The following MYO9B variants were observed in gnomAD, a reference collection of about 807,000 sequenced individuals.
MYO9B encodes myosin IXB.
In MYO9B, 71 loss-of-function variants were observed where a neutral mutation model predicts 229.5. The observed-to-expected ratio is 0.31, with a 90% CI of 0.26 to 0.38. The LOEUF (loss-of-function observed/expected upper bound fraction) is 0.38. Among genes scored for constraint, MYO9B ranks in the 10% least tolerant of loss-of-function variants. MYO9B has a pLI of 1.00. For missense variants in MYO9B, 2,255 were observed against 2,920.5 expected (o/e 0.77, Z 5.25); for synonymous variants, 1,185 against 1,235.8 (o/e 0.96, Z 0.86).
At chr19:17,187,098 C>G (rs2072927016) in intron 18 of MYO9B, among the ~76,000 whole-genome samples, 1 of 152,172 alleles carries the variant, frequency 6.6e-6, no homozygotes, top group South Asian at 2.1e-4. Context: ...GACCCCTAAG[C>G]TCCAGGCTTA....
chr19:17,096,701 T>G lies in MYO9B; in HGVS notation c.-58-4959T>G, dbSNP rs1453310176. ...TTGTTGTTGTTGTTGTTGTTGTTGT[T>G]GTTGGTTTTTTTTTTTTTTTTGGAG... is the stretch of plus-strand genomic sequence containing the variant. On this transcript the variant is annotated intron_variant, in intron 1 of 39. Transcript: ENST00000682292. Among the ~76,000 whole-genome samples the G allele has an allele frequency of 2.5e-4, 11 of 44,316 alleles. No individual in the cohort carries two copies. The East Asian group carries it at 2.7e-3, about 11-fold the overall frequency. 29.1% of individuals were successfully genotyped at this position (44,316 alleles called of 152,430 possible).
At chr19:17,153,438 G>A (rs923002349) in intron 4 of MYO9B, among the ~76,000 whole-genome samples, 23 of 150,040 alleles carry the variant, frequency 1.5e-4, no homozygotes, top group African/African-American at 5.4e-4. Context: ...TGTAATCCCA[G>A]CACTTTGGGA....
At chr19:17,202,707 C>A in intron 28 of MYO9B, 135 bp from the exon 29 acceptor site, 2 of 862,266 alleles carry the variant, frequency 2.3e-6, no homozygotes, top group Non-Finnish European at 3.6e-6. Context: ...TGAATGGGGG[C>A]GTTAGGGACA....
chr19:17,182,052 C>A (rs1161731913), intron 15 of MYO9B, among the ~76,000 whole-genome samples: 1 of 150,926 alleles, frequency 6.6e-6, no homozygotes, highest in East Asian at 1.9e-4. Flanking sequence ...GCTGGGATTA[C>A]AGGCATGATT....
chr19:17,176,451 G>A (rs765020642), intron 14 of MYO9B, among the ~76,000 whole-genome samples: 3 of 152,190 alleles, frequency 2.0e-5, no homozygotes, highest in Non-Finnish European at 2.9e-5. Flanking sequence ...GATTACAGGC[G>A]TGAGCCACCA....
At chr19:17,170,265 C>T (rs2072708361) in intron 11 of MYO9B, among the ~76,000 whole-genome samples, 1 of 152,056 alleles carries the variant, frequency 6.6e-6, no homozygotes, top group South Asian at 2.1e-4. Context: ...CTCATCTTAA[C>T]TAATTACATC....
intron 1 of MYO9B, chr19:17,095,797 CTT>C (rs997307785): frequency 8.5e-5 from 13 of 152,236 alleles, no homozygotes; most frequent in African/African-American, 3.1e-4. Flanking sequence ...GAGTCTCGCT[CTT>C]TCACCCAGGC....
intron 2 of MYO9B, among the ~76,000 whole-genome samples, chr19:17,108,952 A>G (rs1016375607): frequency 3.9e-5 from 6 of 152,016 alleles, no homozygotes; most frequent in African/African-American, 1.4e-4. Context: ...ACCTCAAGTA[A>G]TCTGCCCTCC....
At chr19:17,145,565 G>A (rs1351143253) in intron 3 of MYO9B, 74 bp downstream of exon 3, 1 of 1,245,982 alleles carries the variant, frequency 8.0e-7, no homozygotes, top group Admixed American at 1.7e-5. Flanking sequence ...ACACATGGGA[G>A]TGAGATGTGG....
chr19:17,145,292 A>G lies in MYO9B; in HGVS notation c.841-105A>G, dbSNP rs888095283. The G allele has an allele frequency of 3.7e-4, 397 of 1,074,944 alleles. 6 individuals are homozygous for G. Among genetic ancestry groups the G allele is most frequent in the Non-Finnish European group, 6.3e-5 (46 of 733,364 alleles). 66.6% of individuals were successfully genotyped at this position (1,074,944 alleles called of 1,614,324 possible). A position where few individuals can be genotyped will look rare whatever the true frequency, so the allele number is the denominator to read the frequency against. ...CTGTCTCCAAGAGAAAAAATAGATA[A>G]ATTGAACAATACAAAATATAAAAGC... On this transcript the variant is annotated intron_variant, in intron 2 of 39. Transcript: ENST00000682292.
At chr19:17,157,118 G>C in intron 7 of MYO9B, 80 bp downstream of exon 7, 2 of 1,507,278 alleles carry the variant, frequency 1.3e-6, no homozygotes, top group Admixed American at 2.3e-5. Context: ...ACCATACCCA[G>C]AACTTCCTAC....
intron 1 of MYO9B, among the ~76,000 whole-genome samples, chr19:17,083,057 G>T (rs1258330164): frequency 6.8e-6 from 1 of 146,330 alleles, no homozygotes; most frequent in Non-Finnish European, 1.5e-5. Flanking sequence ...TTGAGACAGG[G>T]TCTCACTCTG....
rs1160595257 is a variant in MYO9B, at chr19:17,202,249, A to T, written c.4782A>T (p.Ser1594=). The T allele has an allele frequency of 6.2e-7, 1 of 1,602,024 alleles. No homozygotes were observed. The highest frequency in any genetic ancestry group is 1.7e-5 in the Admixed American group (1 of 57,296). The change falls in exon 28 of 40, where the codon TCA becomes TCT. Residue 1594 remains serine (S), a synonymous_variant. Coordinates refer to ENST00000682292, the MANE Select transcript of MYO9B (RefSeq NM_004145.4). The stretch of plus-strand genomic sequence containing the variant: ...ACCTGGTCCTCAACCTCTTCCAGTC[A>T]CTGCTAGATGAGTTCACCCGTGGCT... ...DTNLVLNLFQ[S]LLDEFTRGYT... is the part of the protein sequence containing the mutation.
chr19:17,096,985 C>T (rs745916877), intron 1 of MYO9B, among the ~76,000 whole-genome samples: 5 of 112,456 alleles, frequency 4.4e-5, no homozygotes, highest in Admixed American at 8.9e-5. Flanking sequence ...CCACCACGCC[C>T]GGCCTGTTGT....
intron 31 of MYO9B, 23 bp from the exon 32 acceptor site, chr19:17,205,937 G>A: frequency 6.5e-7 from 1 of 1,538,956 alleles, no homozygotes; most frequent in Non-Finnish European, 8.8e-7. Flanking sequence ...GCCCAGACCT[G>A]ACCCCCAACC....
intron 1 of MYO9B, among the ~76,000 whole-genome samples, chr19:17,078,978 A>G (rs1359412078): frequency 1.3e-5 from 2 of 152,170 alleles, no homozygotes; most frequent in Non-Finnish European, 2.9e-5. Flanking sequence ...TCTCACCCGC[A>G]TCACCATTGA....
chr19:17,174,698 A>C (rs1048640131), intron 13 of MYO9B, among the ~76,000 whole-genome samples: 10 of 151,972 alleles, frequency 6.6e-5, no homozygotes, highest in Non-Finnish European at 1.2e-4. Context: ...ACTTCGGGAG[A>C]CCGAGGTGGG....
chr19:17,101,687 G>A lies in MYO9B; in HGVS notation c.-31G>A, dbSNP rs1181656317. 142 of 1,532,048 alleles carry A rather than the reference G, an allele frequency of 9.3e-5. No homozygotes were observed. The highest frequency in any genetic ancestry group is 1.2e-4 in the Non-Finnish European group (142 of 1,144,024). The allele number at this position is 1,532,048 out of a possible 1,614,324, so 94.9% of individuals were successfully genotyped here. A position where few individuals can be genotyped will look rare whatever the true frequency, so the allele number is the denominator to read the frequency against. ...CCAGGACACGCGCGCCCCGAGCCTGGGAGGCATGCTGAAGCCAGGCGGCCG... is the reference window on the plus strand; with the variant it reads ...CCAGGACACGCGCGCCCCGAGCCTGAGAGGCATGCTGAAGCCAGGCGGCCG... On this transcript the variant is annotated 5_prime_UTR_variant, in exon 2 of 40. Coordinates refer to ENST00000682292, the MANE Select transcript of MYO9B (RefSeq NM_004145.4). The surrounding 1 kb of genome is among the most constrained non-coding windows in gnomAD (Gnocchi z 4.7).
At chr19:17,105,481 C>T (rs929065707) in intron 2 of MYO9B, among the ~76,000 whole-genome samples, 6 of 152,030 alleles carry the variant, frequency 3.9e-5, no homozygotes, top group African/African-American at 7.3e-5. Flanking sequence ...GGTGACAGAG[C>T]GAGACCCTGT....
Sources: allele counts gnomAD v4.1 joint callset (sites outside exome capture counted in the v4.1 genomes callset), GRCh38; gene constraint gnomAD v4.1.1; non-coding constraint Gnocchi (gnomAD v3.1); transcripts MANE v1.5; gene names NCBI Gene and HGNC (gene_info 2026-07-23, HGNC 2026-07-21).